Variants in MSI2 observed in about 807,000 individuals in gnomAD.
MSI2 encodes RNA-binding protein Musashi homolog 2.
In MSI2, 17 loss-of-function variants were observed where a neutral mutation model predicts 45.6. The ratio of observed to expected loss-of-function variants is 0.37; its 90% CI spans 0.26 to 0.56. The LOEUF (loss-of-function observed/expected upper bound fraction) is 0.56. Among genes scored for constraint, MSI2 ranks in the 20% least tolerant of loss-of-function variants. The pLI, the probability that MSI2 is intolerant of heterozygous loss-of-function variation, is 0.77. For synonymous variants in MSI2, 156 were observed against 158.2 expected (o/e 0.99, Z 0.11); for missense variants, 293 against 444.2 (o/e 0.66, Z 3.06).
At chr17:57,582,300 C>T (rs1278748388) in intron 7 of MSI2, among the ~76,000 whole-genome samples, 1 of 152,030 alleles carries the variant, frequency 6.6e-6, no homozygotes, top group African/African-American at 2.4e-5. Flanking sequence ...CATGCCGCCC[C>T]CCAATATATC....
At chr17:57,287,706 C>T (rs921133773) in intron 5 of MSI2, among the ~76,000 whole-genome samples, 4 of 152,208 alleles carry the variant, frequency 2.6e-5, no homozygotes, top group African/African-American at 9.6e-5. Context: ...GCAAACTGCA[C>T]ACCTGGCCGG....
intron 10 of MSI2, chr17:57,633,234 G>T (rs995804650): frequency 4.1e-6 from 4 of 975,670 alleles, no homozygotes; most frequent in African/African-American, 3.5e-5. Context: ...TTCTCGCTCC[G>T]GGGGAGGTGA....
the MSI2 span, among the ~76,000 whole-genome samples, chr17:57,691,010 T>G: frequency 6.6e-6 from 1 of 152,230 alleles, no homozygotes; most frequent in Non-Finnish European, 1.5e-5. Flanking sequence ...GTTTTTCTTT[T>G]ATTCCACATA....
intron 6 of MSI2, among the ~76,000 whole-genome samples, chr17:57,473,035 G>C: frequency 1.7e-5 from 1 of 58,252 alleles, no homozygotes; most frequent in East Asian, 1.1e-3. Context: ...TGGGATTACA[G>C]GCGCCTGACA....
At chr17:57,360,507 C>T (rs950122984) in intron 5 of MSI2, among the ~76,000 whole-genome samples, 1 of 152,196 alleles carries the variant, frequency 6.6e-6, no homozygotes, top group Non-Finnish European at 1.5e-5. Context: ...GTCTCTTGTC[C>T]CCAGATGCTC....
intron 5 of MSI2, among the ~76,000 whole-genome samples, chr17:57,308,739 A>G (rs1222501796): frequency 6.6e-6 from 1 of 152,036 alleles, no homozygotes; most frequent in Non-Finnish European, 1.5e-5. Flanking sequence ...CTGCCACTCC[A>G]TCCCTGAGAG....
intron 7 of MSI2, among the ~76,000 whole-genome samples, chr17:57,584,779 T>C (rs759379801): frequency 1.4e-5 from 2 of 146,164 alleles, no homozygotes; most frequent in Non-Finnish European, 3.0e-5. Flanking sequence ...CAAAGATTAA[T>C]GGATGATTTG....
At chr17:57,472,815 C>T (rs917891517) in intron 6 of MSI2, among the ~76,000 whole-genome samples, 1 of 152,132 alleles carries the variant, frequency 6.6e-6, no homozygotes, top group Non-Finnish European at 1.5e-5. Flanking sequence ...GCAGCAAGTT[C>T]TGCTTTCCTG....
At chr17:57,317,483 C>CTCTAT (rs1284781128) in intron 5 of MSI2, among the ~76,000 whole-genome samples, 1 of 149,566 alleles carries the variant, frequency 6.7e-6, no homozygotes, top group African/African-American at 2.5e-5. Context: ...ACCCATTACA[C>CTCTAT]TCTATCCCAT....
intron 1 of MSI2, 123 bp from the exon 2 acceptor site, chr17:57,256,975 C>T (rs971882290): frequency 5.2e-6 from 8 of 1,528,694 alleles, no homozygotes; most frequent in South Asian, 1.2e-5. Context: ...CCTTCTCCCC[C>T]ACCCCACCTC....
At chr17:57,693,788 A>G in the MSI2 span, among the ~76,000 whole-genome samples, 1 of 152,212 alleles carries the variant, frequency 6.6e-6, no homozygotes, top group African/African-American at 2.4e-5. Context: ...ATTGAAAGCA[A>G]AACATCTTTA....
At chr17:57,646,049 A>G (rs980287749) in intron 10 of MSI2, among the ~76,000 whole-genome samples, 1 of 151,834 alleles carries the variant, frequency 6.6e-6, no homozygotes, top group African/African-American at 2.4e-5. Context: ...CAGAGCAGTG[A>G]CTCCCAGCCC....
chr17:57,507,529 G>A (rs918987333), intron 6 of MSI2, among the ~76,000 whole-genome samples: 5 of 152,054 alleles, frequency 3.3e-5, no homozygotes, highest in Admixed American at 2.0e-4. Context: ...TGCCAGTCTT[G>A]GTTCCAAATG....
intron 6 of MSI2, among the ~76,000 whole-genome samples, chr17:57,475,224 C>T (rs1026606153): frequency 5.3e-5 from 8 of 152,194 alleles, no homozygotes; most frequent in East Asian, 3.9e-4. Context: ...TTTACCAAAA[C>T]GCCTAGGGAG....
intron 7 of MSI2, among the ~76,000 whole-genome samples, chr17:57,595,649 C>A (rs984370107): frequency 6.6e-6 from 1 of 151,694 alleles, no homozygotes; most frequent in African/African-American, 2.4e-5. Context: ...CCCATCCTCA[C>A]GAACTCATCA....
chr17:57,468,520 C>CAA (rs56105862), intron 6 of MSI2, among the ~76,000 whole-genome samples: 4,698 of 104,144 alleles, frequency 0.045, 158 homozygotes, highest in African/African-American at 0.082. Flanking sequence ...GACTCTATCT[C>CAA]AAAAAAAAAA....
chr17:57,559,010 C>T (rs1209405729), intron 7 of MSI2, among the ~76,000 whole-genome samples: 1 of 151,940 alleles, frequency 6.6e-6, no homozygotes, highest in East Asian at 1.9e-4. Context: ...TGCAGTGAGC[C>T]GAGATGGCAC....
the MSI2 span, among the ~76,000 whole-genome samples, chr17:57,697,005 CT>C: frequency 6.6e-6 from 1 of 152,110 alleles, no homozygotes; most frequent in African/African-American, 2.4e-5. Context: ...AGAGCTATCT[CT>C]GTAGCTTCAC....
At chr17:57,293,518 C>G (rs1440698061) in intron 5 of MSI2, among the ~76,000 whole-genome samples, 5 of 151,630 alleles carry the variant, frequency 3.3e-5, no homozygotes, top group African/African-American at 9.7e-5. Flanking sequence ...AGAAAAGGCT[C>G]AAGTATCTGA....
Sources: allele counts gnomAD v4.1 joint callset (sites outside exome capture counted in the v4.1 genomes callset), GRCh38; gene constraint gnomAD v4.1.1; transcripts MANE v1.5; gene names NCBI Gene and HGNC (gene_info 2026-07-23, HGNC 2026-07-21).